Variants in FAM184B observed in about 807,000 individuals in gnomAD.
FAM184B encodes family with sequence similarity 184 member B.
FAM184B carries 111 observed loss-of-function variants against 135.9 expected under a neutral mutation model. The ratio of observed to expected loss-of-function variants is 0.82; its 90% CI spans 0.70 to 0.96. The LOEUF is 0.96. FAM184B is among the 40% of genes least tolerant of loss of function. The pLI is 0.00. For missense variants in FAM184B, 1,375 were observed against 1,323.9 expected, an observed-to-expected ratio of 1.04 and a Z score of -0.60; for synonymous variants, 552 against 524.8, an observed-to-expected ratio of 1.05 and a Z score of -0.71.
At chr4:17,707,988 T>TAA (rs111636257) in intron 2 of FAM184B, among the ~76,000 whole-genome samples, 7 of 148,990 alleles carry the variant, frequency 4.7e-5, no homozygotes, top group African/African-American at 1.7e-4. Context: ...GATAAAGTGG[T>TAA]AAAAAAAAAA....
chr4:17,684,697 T>C (rs1396359395), intron 7 of FAM184B, among the ~76,000 whole-genome samples: 1 of 152,158 alleles, frequency 6.6e-6, no homozygotes, highest in African/African-American at 2.4e-5. Flanking sequence ...TTTGTCGAGG[T>C]TCTTGCTGCA....
rs1402538879 is a variant in FAM184B, at chr4:17,660,018, T to A, written c.1764A>T (p.Thr588=). ...CCTCCTCTAGACGCTGGATTTTGGA[T>A]GTTTTCTCCTTCAACAAAGAGCCCA... is the stretch of plus-strand genomic sequence containing the variant. ...PPLGSLLKEK[T]SKIQRLEEDW... Residue 588 remains threonine, a synonymous_variant, in exon 9 of 18, where the codon ACA becomes ACT. Transcript: ENST00000265018. The A allele has an allele frequency of 1.3e-6, 2 of 1,551,604 alleles. No individual in the cohort carries two copies. Among genetic ancestry groups the A allele is most frequent in the South Asian group, 2.4e-5 (2 of 84,056 alleles).
chr4:17,728,603 G>T (rs1161397942), intron 1 of FAM184B, among the ~76,000 whole-genome samples: 2 of 152,132 alleles, frequency 1.3e-5, no homozygotes, highest in Non-Finnish European at 1.5e-5. Flanking sequence ...GGAGAAGATG[G>T]CAACTAAGGG....
At position 17,661,209 on chromosome 4, in the gene FAM184B, A is replaced by G. The variant is rs138625914; in HGVS notation, c.1695-1122T>C. Among the ~76,000 whole-genome samples, 452 of 152,296 alleles carry G rather than the reference A, an allele frequency of 3.0e-3. 4 individuals are homozygous for G. Among genetic ancestry groups the G allele is most frequent in the South Asian group, 0.024 (115 of 4,820 alleles). On this transcript the variant is annotated intron_variant, in intron 8 of 17. Coordinates refer to ENST00000265018, the MANE Select transcript of FAM184B (RefSeq NM_015688.2). ...TTTTCCATAAGGATTAGTAGAGTCA[A>G]TATCTATACTTAAAACAGCGTCTGG...
intron 1 of FAM184B, among the ~76,000 whole-genome samples, chr4:17,735,009 TA>T (rs1295335136): frequency 6.6e-6 from 1 of 151,950 alleles, no homozygotes; most frequent in Non-Finnish European, 1.5e-5. Context: ...CCATAAAAAA[TA>T]AAGAGTTCAT....
At chr4:17,703,880 G>A (rs891903067) in intron 5 of FAM184B, among the ~76,000 whole-genome samples, 8 of 149,926 alleles carry the variant, frequency 5.3e-5, no homozygotes, top group Admixed American at 1.3e-4. Context: ...GCAGTGAGCC[G>A]AGATTGCGTC....
chr4:17,630,619 G>A lies in FAM184B; in HGVS notation c.*1913C>T, dbSNP rs1489673774. ...GCCTGAACGAACTAAGACACTCTAA[G>A]CGGGAAACTCACAAAAAATATTTGG... On this transcript the variant is annotated 3_prime_UTR_variant, in exon 18 of 18. Coordinates refer to ENST00000265018, the MANE Select transcript of FAM184B (RefSeq NM_015688.2). The A allele has an allele frequency of 6.6e-6, 1 of 152,200 alleles. No individual in the cohort carries two copies. Among genetic ancestry groups the A allele is most frequent in the Admixed American group, 6.5e-5 (1 of 15,280 alleles). 9.4% of individuals were successfully genotyped at this position (152,200 alleles called of 1,614,324 possible).
chr4:17,641,121 A>G (rs554935138), intron 13 of FAM184B, among the ~76,000 whole-genome samples: 1 of 152,110 alleles, frequency 6.6e-6, no homozygotes, highest in African/African-American at 2.4e-5. Context: ...TTTAGTAGAG[A>G]CGGGGTTTCA....
chr4:17,779,327 G>A (rs1718990052), intron 1 of FAM184B, among the ~76,000 whole-genome samples: 1 of 152,144 alleles, frequency 6.6e-6, no homozygotes, highest in African/African-American at 2.4e-5. Flanking sequence ...AAGAATGGTG[G>A]CCTATTAATA....
At chr4:17,718,236 A>C (rs1163893338) in intron 1 of FAM184B, among the ~76,000 whole-genome samples, 1 of 152,178 alleles carries the variant, frequency 6.6e-6, no homozygotes, top group East Asian at 1.9e-4. Context: ...GATTTTTACT[A>C]TTATCGGTAT....
intron 1 of FAM184B, among the ~76,000 whole-genome samples, chr4:17,733,522 A>C (rs1717835183): frequency 1.3e-5 from 2 of 152,206 alleles, no homozygotes. Flanking sequence ...AATCACAAGC[A>C]TTCTTATACA....
chr4:17,664,865 G>A (rs1479206757), intron 7 of FAM184B, among the ~76,000 whole-genome samples: 4 of 152,132 alleles, frequency 2.6e-5, no homozygotes, highest in Admixed American at 6.6e-5. Context: ...TATGATTAAT[G>A]CCAGCCCTGA....
intron 6 of FAM184B, 149 bp from the exon 7 acceptor site, chr4:17,688,680 CTT>C (rs34337003): frequency 0.017 from 2,011 of 117,336 alleles, no homozygotes; most frequent in South Asian, 0.049. Context: ...CTAGAAATGC[CTT>C]TTTTTTTTTT....
At chr4:17,775,003 T>C (rs1026138507) in intron 1 of FAM184B, among the ~76,000 whole-genome samples, 6 of 137,258 alleles carry the variant, frequency 4.4e-5, no homozygotes, top group African/African-American at 1.1e-4. Flanking sequence ...TTTTTTTTTT[T>C]TTTTTTTTTT....
intron 10 of FAM184B, among the ~76,000 whole-genome samples, chr4:17,653,580 CAACA>C (rs1715691810): frequency 6.6e-6 from 1 of 152,006 alleles, no homozygotes; most frequent in Non-Finnish European, 1.5e-5. Context: ...CGCTTTCACT[CAACA>C]AACATTTATT....
intron 1 of FAM184B, among the ~76,000 whole-genome samples, chr4:17,765,600 C>T (rs566509059): frequency 6.6e-6 from 1 of 152,308 alleles, no homozygotes; most frequent in East Asian, 1.9e-4. Flanking sequence ...GGCCAGTCTG[C>T]CTTCAACCAA....
Position 17,655,570 on chromosome 4 carries a change from A to G in FAM184B, c.2038-2587T>C, listed in dbSNP as rs1329828299. On this transcript the variant is annotated intron_variant, in intron 10 of 17. Transcript: ENST00000265018. The stretch of plus-strand genomic sequence containing the variant: ...CACCCTGTCTCTCCAAAAGTCCTAT[A>G]TTATGTAAAGTCTCCATTCCCAGTG... 2.0e-5 allele frequency among the ~76,000 whole-genome samples: 3 copies of G among 152,164 alleles called. No homozygotes were observed. In the South Asian group the frequency reaches 6.2e-4, roughly 32 times the overall value.
rs71167316 is a variant in FAM184B, at chr4:17,641,461, C to CTTTTTTTTTTT, written c.2519+584_2519+594dup. On this transcript the variant is annotated intron_variant, in intron 13 of 17. Transcript: ENST00000265018. ...TGCAGGGAAACAAACAGGACTCCCT[C>CTTTTTTTTTTT]TTTTTTTTTTTTTTTTTTTTTTTTT... Among the ~76,000 whole-genome samples, 17 of 45,702 alleles carry CTTTTTTTTTTT rather than the reference C, an allele frequency of 3.7e-4. 2 individuals are homozygous for CTTTTTTTTTTT. Among genetic ancestry groups the CTTTTTTTTTTT allele is most frequent in the Non-Finnish European group, 4.2e-4 (11 of 26,060 alleles). 30.0% of individuals were successfully genotyped at this position (45,702 alleles called of 152,430 possible).
At chr4:17,664,999 C>T (rs1213245480) in intron 7 of FAM184B, among the ~76,000 whole-genome samples, 1 of 152,156 alleles carries the variant, frequency 6.6e-6, no homozygotes, top group Non-Finnish European at 1.5e-5. Context: ...AAATATGCAA[C>T]CGGATAATAG....
Sources: allele counts gnomAD v4.1 joint callset (sites outside exome capture counted in the v4.1 genomes callset), GRCh38; gene constraint gnomAD v4.1.1; transcripts MANE v1.5; gene names NCBI Gene and HGNC (gene_info 2026-07-23, HGNC 2026-07-21).